Variants in ZMYM2 observed in about 807,000 individuals in gnomAD.
ZMYM2 encodes the protein zinc finger MYM-type containing 2.
In ZMYM2, 56 loss-of-function variants were observed where a neutral mutation model predicts 162.8. That is an observed-to-expected ratio of 0.34 (90% confidence interval 0.28 to 0.43). The LOEUF is 0.43. Among genes scored for constraint, ZMYM2 ranks in the 20% least tolerant of loss-of-function variants. The pLI, the probability that ZMYM2 is intolerant of heterozygous loss-of-function variation, is 1.00. For missense variants in ZMYM2, 1,275 were observed against 1,621.8 expected (o/e 0.79, Z 3.67); for synonymous variants, 510 against 541.6 (o/e 0.94, Z 0.81).
At chr13:19,977,155 T>C (rs1186029437) in intron 2 of ZMYM2, among the ~76,000 whole-genome samples, 1 of 152,228 alleles carries the variant, frequency 6.6e-6, no homozygotes, top group Non-Finnish European at 1.5e-5. Flanking sequence ...AGTACTCAGC[T>C]ATTCTGTATC....
chr13:20,020,893 C>T (rs1159541704), intron 7 of ZMYM2, among the ~76,000 whole-genome samples: 2 of 151,670 alleles, frequency 1.3e-5, no homozygotes, highest in Non-Finnish European at 2.9e-5. Flanking sequence ...TATTTCCTGC[C>T]TAATTATGTT....
chr13:20,002,379 T>C (rs1260981243), intron 3 of ZMYM2, among the ~76,000 whole-genome samples: 1 of 152,234 alleles, frequency 6.6e-6, no homozygotes, highest in Non-Finnish European at 1.5e-5. Flanking sequence ...ATGTTTACCA[T>C]TAGCATGAGG....
At chr13:19,928,790 C>T in the ZMYM2 span, among the ~76,000 whole-genome samples, 1 of 145,428 alleles carries the variant, frequency 6.9e-6, no homozygotes, top group East Asian at 2.0e-4. Flanking sequence ...GAGTGAGACT[C>T]TGTCTCAAAA....
chr13:19,988,774 T>G (rs1949379745), intron 2 of ZMYM2, among the ~76,000 whole-genome samples: 1 of 151,796 alleles, frequency 6.6e-6, no homozygotes, highest in East Asian at 1.9e-4. Flanking sequence ...TGACAGAGAC[T>G]CCATCTCAAA....
chr13:19,901,006 G>A, the ZMYM2 span, among the ~76,000 whole-genome samples: 3 of 152,158 alleles, frequency 2.0e-5, no homozygotes, highest in African/African-American at 4.8e-5. Flanking sequence ...GTCTTGGTTT[G>A]CAGACAGCTA....
chr13:19,876,926 T>G, the ZMYM2 span, among the ~76,000 whole-genome samples: 1 of 152,214 alleles, frequency 6.6e-6, no homozygotes, highest in South Asian at 2.1e-4. Flanking sequence ...GGATAATTTC[T>G]TTTAAAAAGA....
chr13:19,977,196 C>G (rs535535237), intron 2 of ZMYM2, among the ~76,000 whole-genome samples: 7 of 149,494 alleles, frequency 4.7e-5, no homozygotes, highest in African/African-American at 1.8e-4. Context: ...TTTTCTTTTT[C>G]TTTAAATTGA....
At chr13:19,885,889 A>ATACACATATATG in the ZMYM2 span, among the ~76,000 whole-genome samples, 1 of 33,276 alleles carries the variant, frequency 3.0e-5, no homozygotes, top group Non-Finnish European at 8.1e-5. Context: ...ACACATATAT[A>ATACACATATATG]TGTGTATACA....
At chr13:20,068,494 T>C (rs1956844506) in intron 21 of ZMYM2, 1 of 156,008 alleles carries the variant, frequency 6.4e-6, no homozygotes, top group South Asian at 2.0e-4. Context: ...GGAATATTAA[T>C]GTATTATAAT....
chr13:20,082,865 C>G lies in ZMYM2; in HGVS notation c.3653C>G (p.Thr1218Arg). 1 of 1,613,876 alleles carries G rather than the reference C, an allele frequency of 6.2e-7. No individual in the cohort carries two copies. ...CACTCTCCAGTAGCTCTTCTGAATA[C>G]ACTGTTCTACTTTAACACTAAGTAT... is the stretch of plus-strand genomic sequence containing the variant. ...GSHSPVALLN[T>R]LFYFNTKYFG... is the part of the protein sequence containing the mutation. Residue 1218 changes from threonine to arginine, a missense_variant, in exon 23 of 25, where the codon ACA becomes AGA. Coordinates refer to ENST00000610343, the MANE Select transcript of ZMYM2 (RefSeq NM_197968.4).
At chr13:20,050,769 T>C (rs1174253637) in intron 12 of ZMYM2, among the ~76,000 whole-genome samples, 5 of 152,066 alleles carry the variant, frequency 3.3e-5, no homozygotes, top group Non-Finnish European at 4.4e-5. Flanking sequence ...TTGTATCGTT[T>C]TTTGGTATTG....
chr13:19,971,262 A>ATATATATATATATATATTT (rs1329532735), intron 2 of ZMYM2, among the ~76,000 whole-genome samples: 2 of 78,330 alleles, frequency 2.6e-5, no homozygotes, highest in Non-Finnish European at 2.4e-5. Flanking sequence ...ATATATATAT[A>ATATATATATATATATATTT]TTTTTTTTTT....
At chr13:19,986,342 A>T (rs1949137516) in intron 2 of ZMYM2, among the ~76,000 whole-genome samples, 2 of 151,968 alleles carry the variant, frequency 1.3e-5, no homozygotes, top group African/African-American at 4.8e-5. Flanking sequence ...ACATAGAAAG[A>T]TCGCCATCTC....
chr13:20,006,340 C>T (rs1422205827), intron 5 of ZMYM2, 34 bp from the exon 6 acceptor site: 1 of 1,524,452 alleles, frequency 6.6e-7, no homozygotes, highest in African/African-American at 1.4e-5. Flanking sequence ...TCAGATTGAT[C>T]TGTTTTGTAA....
chr13:20,016,808 T>C (rs1258232255), intron 6 of ZMYM2, among the ~76,000 whole-genome samples: 6 of 152,234 alleles, frequency 3.9e-5, no homozygotes, highest in Non-Finnish European at 8.8e-5. Flanking sequence ...AAGTGTCTTA[T>C]TGTGTGTCTC....
rs1956071007 is a variant in ZMYM2 at position 20,059,469 on chromosome 13, T to C, written c.2646T>C (p.Tyr882=). The change falls in exon 16 of 25, where the codon TAT becomes TAC. Residue 882 remains tyrosine (Y), a synonymous_variant. Coordinates refer to ENST00000610343, the MANE Select transcript of ZMYM2 (RefSeq NM_197968.4). The part of the protein sequence containing the change: ...CQTDDTWRTE[Y]VPVPIPVPVY... ...TAGATGATACTTGGAGGACAGAATA[T>C]GTTCCAGTGCCTATCCCTGTGCCTG... The C allele has an allele frequency of 6.2e-7, 1 of 1,611,860 alleles. No homozygotes were observed.
intron 21 of ZMYM2, among the ~76,000 whole-genome samples, chr13:20,080,564 A>G (rs1374885887): frequency 6.6e-6 from 1 of 150,708 alleles, no homozygotes; most frequent in Admixed American, 6.6e-5. Context: ...CTCATGGCTC[A>G]CTGCAGCTTT....
At chr13:20,047,211 A>G (rs1954906282) in intron 12 of ZMYM2, among the ~76,000 whole-genome samples, 2 of 152,174 alleles carry the variant, frequency 1.3e-5, no homozygotes, top group Admixed American at 6.5e-5. Flanking sequence ...TGCAGCCATT[A>G]TTGTAATCAA....
At chr13:19,874,528 C>T in the ZMYM2 span, among the ~76,000 whole-genome samples, 6 of 152,284 alleles carry the variant, frequency 3.9e-5, no homozygotes, top group East Asian at 1.9e-4. Flanking sequence ...CCACATTGCC[C>T]GGCTCATTCC....
Sources: gnomAD v4.1 joint callset for allele counts (sites outside exome capture counted in the v4.1 genomes callset) on GRCh38, gnomAD v4.1.1 for gene constraint, MANE v1.5 for transcripts, NCBI Gene and HGNC (gene_info 2026-07-23, HGNC 2026-07-21) for gene names.